NPLOC4: variants seen among roughly 807,000 people sequenced by gnomAD.
NPLOC4 encodes nuclear protein localization protein 4 homolog.
In NPLOC4, 18 loss-of-function variants were observed where a neutral mutation model predicts 80.6. That is an observed-to-expected ratio of 0.22 (90% confidence interval 0.15 to 0.33). The LOEUF is 0.33. Among genes scored for constraint, NPLOC4 ranks in the 10% least tolerant of loss-of-function variants. The probability of loss-of-function intolerance (pLI) is 1.00; values close to 1 mark genes in which losing one functional copy is unlikely to be tolerated. For missense variants in NPLOC4, 540 were observed against 786.1 expected, an observed-to-expected ratio of 0.69 and a Z score of 3.74; for synonymous variants, 313 against 301.5, an observed-to-expected ratio of 1.04 and a Z score of -0.39.
At chr17:81,598,544 C>A (rs1039900470) in intron 9 of NPLOC4, among the ~76,000 whole-genome samples, 1 of 152,202 alleles carries the variant, frequency 6.6e-6, no homozygotes, top group East Asian at 1.9e-4. Context: ...AGACTTCACA[C>A]AGCTGCTCCT....
Position 81,567,414 on chromosome 17 carries a change from C to T in NPLOC4, c.1566+3G>A. On this transcript the variant is annotated splice_donor_region_variant and intron_variant, in intron 15 of 16. Transcript: ENST00000331134. This position sits in a 1 kb window ranked among gnomAD's most constrained non-coding sequence, Gnocchi z 4.5. The stretch of plus-strand genomic sequence containing the variant: ...CAAGTGGACACCACACTTGGACACG[C>T]ACCTGCAGAGGCATAACTTCATTGG... The T allele has an allele frequency of 1.9e-6, 3 of 1,588,374 alleles. No homozygotes were observed. Among genetic ancestry groups the T allele is most frequent in the Non-Finnish European group, 2.6e-6 (3 of 1,157,602 alleles).
intron 8 of NPLOC4, among the ~76,000 whole-genome samples, chr17:81,600,826 A>C (rs1243364539): frequency 6.6e-6 from 1 of 152,214 alleles, no homozygotes; most frequent in Non-Finnish European, 1.5e-5. Flanking sequence ...AAATTAGGCA[A>C]GACTCAAACT....
At position 81,613,635 on chromosome 17, in the gene NPLOC4, ATTCTC is replaced by A. The variant is rs1371963376; in HGVS notation, c.210-146_210-142del. ...GAGGTTTCTAACTTTTAAGATGAGA[ATTCTC>A]TTCTAACATCTCCCCTATGTTTCCT... On this transcript the variant is annotated intron_variant, in intron 3 of 16. Coordinates refer to ENST00000331134, the MANE Select transcript of NPLOC4 (RefSeq NM_017921.4). The A allele has an allele frequency of 2.7e-5, 19 of 697,760 alleles. No homozygotes were observed. The African/African-American group carries it at 3.4e-4, about 13-fold the overall frequency. The allele number at this position is 697,760 out of a possible 1,614,324, so 43.2% of individuals were successfully genotyped here.
intron 12 of NPLOC4, among the ~76,000 whole-genome samples, chr17:81,578,583 CAGG>C (rs1227791769): frequency 2.6e-5 from 4 of 152,132 alleles, no homozygotes; most frequent in Non-Finnish European, 5.9e-5. Flanking sequence ...ACAAGCATGA[CAGG>C]AGGGGAAGGG....
At chr17:81,608,942 T>C (rs2035274765) in intron 5 of NPLOC4, 120 bp from the exon 6 acceptor site, 2 of 671,208 alleles carry the variant, frequency 3.0e-6, no homozygotes, top group South Asian at 3.7e-5. Context: ...AGGCCCACAG[T>C]GAAAGCAGGT....
Position 81,580,668 on chromosome 17 carries a change from C to T in NPLOC4, c.1281+8276G>A, listed in dbSNP as rs1367313676. On this transcript the variant is annotated intron_variant, in intron 12 of 16. Coordinates refer to ENST00000331134, the MANE Select transcript of NPLOC4 (RefSeq NM_017921.4). This position sits in a 1 kb window ranked among gnomAD's most constrained non-coding sequence, Gnocchi z 4.4. Reference sequence around the variant, plus strand: ...CAGGACTCGACCCACCAGGGCACTCCAAGCTTCTCTACCCGTTCCGCTGGG... The same window carrying T: ...CAGGACTCGACCCACCAGGGCACTCTAAGCTTCTCTACCCGTTCCGCTGGG... 6.6e-6 allele frequency among the ~76,000 whole-genome samples: 1 copy of T among 152,226 alleles called. No individual in the cohort carries two copies. The highest frequency in any genetic ancestry group is 1.5e-5 in the Non-Finnish European group (1 of 68,040).
At chr17:81,635,337 T>A (rs1369966400) in intron 1 of NPLOC4, among the ~76,000 whole-genome samples, 6 of 88,796 alleles carry the variant, frequency 6.8e-5, no homozygotes, top group South Asian at 4.1e-4. Context: ...AGACTCCATC[T>A]CAAAAAAATA....
chr17:81,635,817 A>ATCTT, intron 1 of NPLOC4, among the ~76,000 whole-genome samples: 1 of 152,250 alleles, frequency 6.6e-6, no homozygotes, highest in South Asian at 2.1e-4. Flanking sequence ...GAAATCCCAA[A>ATCTT]TCTTCCTTAA....
chr17:81,598,342 C>A (rs1451935061), intron 9 of NPLOC4, among the ~76,000 whole-genome samples: 1 of 152,062 alleles, frequency 6.6e-6, no homozygotes, highest in Admixed American at 6.6e-5. Flanking sequence ...CTGCCCAGCA[C>A]CATGCTGGGT....
At chr17:81,619,201 T>TAA (rs149822142) in intron 3 of NPLOC4, among the ~76,000 whole-genome samples, 5,873 of 138,204 alleles carry the variant, frequency 0.042, 162 homozygotes, top group East Asian at 0.15. Flanking sequence ...AATGATCAAT[T>TAA]AAAAAAAAAA....
intron 16 of NPLOC4, 106 bp downstream of exon 16, chr17:81,565,399 G>T: frequency 2.0e-6 from 2 of 975,924 alleles, no homozygotes; most frequent in Non-Finnish European, 3.1e-6. Flanking sequence ...CCAGGATGCA[G>T]CTGGGTGCGG....
chr17:81,578,563 C>G (rs532524646), intron 12 of NPLOC4, among the ~76,000 whole-genome samples: 6 of 152,290 alleles, frequency 3.9e-5, no homozygotes, highest in African/African-American at 1.4e-4. Context: ...GGGGAGCCCT[C>G]AGGAAACTTA....
chr17:81,574,994 C>T (rs1173929701), intron 12 of NPLOC4, among the ~76,000 whole-genome samples: 1 of 152,172 alleles, frequency 6.6e-6, no homozygotes, highest in Non-Finnish European at 1.5e-5. Flanking sequence ...AAATGAAATC[C>T]TGAATGTGCT....
intron 5 of NPLOC4, among the ~76,000 whole-genome samples, chr17:81,609,766 C>T (rs1273113729): frequency 6.6e-6 from 1 of 152,206 alleles, no homozygotes; most frequent in Non-Finnish European, 1.5e-5. Flanking sequence ...ATCGGGCTGG[C>T]CTTCCTGCTG....
Position 81,580,763 on chromosome 17 carries a change from A to G in NPLOC4, c.1281+8181T>C, listed in dbSNP as rs930467953. 6.6e-6 allele frequency among the ~76,000 whole-genome samples: 1 copy of G among 152,198 alleles called. No homozygotes were observed. The highest frequency in any genetic ancestry group is 2.1e-4 in the South Asian group (1 of 4,832). On this transcript the variant is annotated intron_variant, in intron 12 of 16. Transcript: ENST00000331134. This position sits in a 1 kb window ranked among gnomAD's most constrained non-coding sequence, Gnocchi z 4.4. ...CCCTTCTCCATTCTCCATGAACTCC[A>G]GGGCCTGGCAATTCACAGGTGTTCT...
intron 3 of NPLOC4, among the ~76,000 whole-genome samples, chr17:81,621,918 A>G (rs1043451292): frequency 3.3e-5 from 5 of 152,224 alleles, no homozygotes; most frequent in South Asian, 2.1e-4. Flanking sequence ...GACAAAGACA[A>G]TAACTTTCTC....
intron 3 of NPLOC4, among the ~76,000 whole-genome samples, chr17:81,613,774 G>A (rs2035403634): frequency 6.6e-6 from 1 of 152,022 alleles, no homozygotes; most frequent in Non-Finnish European, 1.5e-5. Flanking sequence ...TGCACACACA[G>A]CCACAATGGA....
intron 12 of NPLOC4, among the ~76,000 whole-genome samples, chr17:81,583,042 C>G (rs1458426475): frequency 6.6e-6 from 1 of 152,272 alleles, no homozygotes; most frequent in Non-Finnish European, 1.5e-5. Context: ...GCCACTGCCA[C>G]GTGACGCAGA....
intron 2 of NPLOC4, among the ~76,000 whole-genome samples, chr17:81,622,868 A>C (rs2035703289): frequency 6.6e-6 from 1 of 151,848 alleles, no homozygotes. Flanking sequence ...ATGTTTGAAA[A>C]GTTCAATTTC....
Sources: gnomAD v4.1 joint callset for allele counts (sites outside exome capture counted in the v4.1 genomes callset) on GRCh38, gnomAD v4.1.1 for gene constraint, Gnocchi (gnomAD v3.1) non-coding constraint, MANE v1.5 for transcripts, NCBI Gene and HGNC (gene_info 2026-07-23, HGNC 2026-07-21) for gene names.